Variants in ASTN2 observed in about 807,000 individuals in gnomAD.
The protein encoded by ASTN2 is astrotactin-2.
A neutral mutation model predicts 139.8 loss-of-function variants in ASTN2; 54 were observed. The ratio of observed to expected loss-of-function variants is 0.39; its 90% CI spans 0.31 to 0.48. The LOEUF (loss-of-function observed/expected upper bound fraction) is 0.48, where lower values mean the gene tolerates loss of function less well. Among genes scored for constraint, ASTN2 ranks in the 20% least tolerant of loss-of-function variants. The pLI is 0.95. For missense variants in ASTN2, 1,565 were observed against 1,725.1 expected, an observed-to-expected ratio of 0.91 and a Z score of 1.64; for synonymous variants, 756 against 719.5, an observed-to-expected ratio of 1.05 and a Z score of -0.81.
chr9:116,965,982 G>T (rs182199248), intron 10 of ASTN2, among the ~76,000 whole-genome samples: 17 of 152,294 alleles, frequency 1.1e-4, no homozygotes, highest in Middle Eastern at 3.4e-3. Context: ...GAAGCTGAGC[G>T]GGAGGCCTCT....
chr9:116,447,877 G>A (rs973193185), intron 20 of ASTN2, among the ~76,000 whole-genome samples: 2 of 152,176 alleles, frequency 1.3e-5, no homozygotes, highest in African/African-American at 4.8e-5. Flanking sequence ...TGGTCCCAGT[G>A]GAGATCAGAG....
Position 116,620,290 on chromosome 9 carries a change from A to C in ASTN2, c.3206+20T>G. The C allele has an allele frequency of 6.2e-7, 1 of 1,614,052 alleles. No individual in the cohort carries two copies. Among genetic ancestry groups the C allele is most frequent in the Non-Finnish European group, 8.5e-7 (1 of 1,179,980 alleles). ...CCACGAAAAGGGATGGCCAAAGGAA[A>C]AGGGGCCATACATACGTACACCGGC... On this transcript the variant is annotated intron_variant, in intron 18 of 22. Transcript: ENST00000313400.
chr9:116,929,358 C>A (rs1277521293), intron 10 of ASTN2, among the ~76,000 whole-genome samples: 1 of 152,278 alleles, frequency 6.6e-6, no homozygotes, highest in Non-Finnish European at 1.5e-5. Flanking sequence ...GGCCTAGCTA[C>A]AATGCATTCC....
chr9:117,322,280 CTTCA>C (rs1184214954), intron 1 of ASTN2, among the ~76,000 whole-genome samples: 2 of 152,174 alleles, frequency 1.3e-5, no homozygotes, highest in Non-Finnish European at 2.9e-5. Flanking sequence ...AAGGTCTCTT[CTTCA>C]TTCATTTTCA....
chr9:116,944,397 C>A (rs1442841054), intron 10 of ASTN2, among the ~76,000 whole-genome samples: 3 of 151,986 alleles, frequency 2.0e-5, no homozygotes, highest in South Asian at 2.1e-4. Flanking sequence ...AAAGCAGATG[C>A]AGGCCAGGCA....
intron 4 of ASTN2, among the ~76,000 whole-genome samples, chr9:117,113,251 C>A (rs185725755): frequency 8.5e-5 from 13 of 152,298 alleles, no homozygotes; most frequent in Admixed American, 8.5e-4. Context: ...AGAAACAAAA[C>A]CATATATGTT....
intron 19 of ASTN2, among the ~76,000 whole-genome samples, chr9:116,537,847 ATGAAAG>A (rs1397249180): frequency 1.3e-5 from 2 of 152,238 alleles, no homozygotes. Context: ...GATCTGAGCC[ATGAAAG>A]CAGGGATTAG....
intron 5 of ASTN2, among the ~76,000 whole-genome samples, chr9:117,043,868 A>G (rs1838652906): frequency 6.8e-6 from 1 of 146,516 alleles, no homozygotes; most frequent in African/African-American, 2.5e-5. Context: ...AGATCGCACC[A>G]TTGCACTCCA....
intron 19 of ASTN2, among the ~76,000 whole-genome samples, chr9:116,574,951 C>T (rs2131698065): frequency 6.6e-6 from 1 of 152,282 alleles, no homozygotes; most frequent in East Asian, 1.9e-4. Context: ...AGACTCTATC[C>T]TTACTCCCTT....
intron 5 of ASTN2, among the ~76,000 whole-genome samples, chr9:117,092,581 G>C (rs995905581): frequency 1.3e-5 from 2 of 152,180 alleles, no homozygotes; most frequent in African/African-American, 4.8e-5. Context: ...ACACAGCTCA[G>C]CTCCTATTTT....
rs577739986 is a variant in ASTN2 at position 117,073,830 on chromosome 9, G to A, written c.1276+22214C>T. ...AAGGCAAAAGTGATACCAAACTGGAGAGATCCTTCTAGACTTCACCAGGTG... is the reference window on the plus strand; with the variant it reads ...AAGGCAAAAGTGATACCAAACTGGAAAGATCCTTCTAGACTTCACCAGGTG... On this transcript the variant is annotated intron_variant, in intron 5 of 22. Coordinates refer to ENST00000313400, the MANE Select transcript of ASTN2 (RefSeq NM_001365068.1). Among the ~76,000 whole-genome samples the A allele has an allele frequency of 9.3e-4, 142 of 152,292 alleles. 1 individual carries two copies. The highest frequency in any genetic ancestry group is 1.5e-3 in the Non-Finnish European group (101 of 68,026).
chr9:117,344,479 A>G (rs1829155825), intron 1 of ASTN2, among the ~76,000 whole-genome samples: 1 of 152,128 alleles, frequency 6.6e-6, no homozygotes, highest in African/African-American at 2.4e-5. Flanking sequence ...GCTCAGTACC[A>G]CAAACCACTT....
At chr9:116,891,113 T>C (rs1463759005) in intron 10 of ASTN2, among the ~76,000 whole-genome samples, 2 of 152,208 alleles carry the variant, frequency 1.3e-5, no homozygotes, top group East Asian at 3.9e-4. Flanking sequence ...TGTATTTTGC[T>C]AGCAGTAGCC....
intron 11 of ASTN2, among the ~76,000 whole-genome samples, chr9:116,822,002 A>C (rs940925424): frequency 1.3e-5 from 2 of 152,034 alleles, no homozygotes; most frequent in Admixed American, 6.6e-5. Flanking sequence ...TCCCGCTGGC[A>C]TTTCTTGTCC....
chr9:116,439,194 A>ATTTTTTTT (rs1016270368), intron 22 of ASTN2, among the ~76,000 whole-genome samples: 2 of 56,724 alleles, frequency 3.5e-5, no homozygotes, highest in African/African-American at 7.7e-5. Context: ...ATTCAAATAC[A>ATTTTTTTT]TTTTTTTTTT....
intron 10 of ASTN2, among the ~76,000 whole-genome samples, chr9:116,876,386 T>C (rs1833298503): frequency 6.6e-6 from 1 of 152,236 alleles, no homozygotes; most frequent in Non-Finnish European, 1.5e-5. Flanking sequence ...CTACTCGTGG[T>C]GAAGATGCTG....
chr9:116,425,472 G>T lies in ASTN2; in HGVS notation c.*379C>A. On this transcript the variant is annotated 3_prime_UTR_variant, in exon 23 of 23. Transcript: ENST00000313400. ...ACTGTCCCTCCATAGGTCTCCTCCA[G>T]GGGTCCATGGCAGGAAGAAAGCAGA... The T allele has an allele frequency of 7.9e-7, 1 of 1,266,432 alleles. No homozygotes were observed. The highest frequency in any genetic ancestry group is 1.1e-6 in the Non-Finnish European group (1 of 882,186). The allele number at this position is 1,266,432 out of a possible 1,614,324, so 78.4% of individuals were successfully genotyped here. A position where few individuals can be genotyped will look rare whatever the true frequency, so the allele number is the denominator to read the frequency against.
chr9:116,915,170 A>G (rs925494654), intron 10 of ASTN2, among the ~76,000 whole-genome samples: 12 of 152,220 alleles, frequency 7.9e-5, no homozygotes, highest in Admixed American at 7.2e-4. Context: ...CATTGAATAC[A>G]AAGCAAATAT....
rs1848010196 is a variant in ASTN2 at position 116,446,689 on chromosome 9, C to A, written c.3498-4136G>T. Among the ~76,000 whole-genome samples, 3 of 152,066 alleles carry A rather than the reference C, an allele frequency of 2.0e-5. No homozygotes were observed. The South Asian group carries it at 6.2e-4, about 32-fold the overall frequency. ...TATACAGGAACCTGGAGCTCCAGGCCCAAACCATTGCTATTCCTTTCCTTG... is the reference window on the plus strand; with the variant it reads ...TATACAGGAACCTGGAGCTCCAGGCACAAACCATTGCTATTCCTTTCCTTG... On this transcript the variant is annotated intron_variant, in intron 20 of 22. Transcript: ENST00000313400.
Sources: allele counts gnomAD v4.1 joint callset (sites outside exome capture counted in the v4.1 genomes callset), GRCh38; gene constraint gnomAD v4.1.1; transcripts MANE v1.5; gene names NCBI Gene and HGNC (gene_info 2026-07-23, HGNC 2026-07-21).